ITM2B: variants seen among roughly 807,000 people sequenced by gnomAD.
ITM2B encodes ABri/ADan amyloid peptide.
ITM2B carries 11 observed loss-of-function variants against 27.8 expected under a neutral mutation model. That is an observed-to-expected ratio of 0.40 (90% confidence interval 0.25 to 0.66). ITM2B has a LOEUF of 0.66. Ranked by LOEUF, ITM2B falls within the 30% of genes least tolerant of loss-of-function variation. ITM2B has a pLI of 0.43. For missense variants in ITM2B, 296 were observed against 328.9 expected, an observed-to-expected ratio of 0.90 and a Z score of 0.77; for synonymous variants, 114 against 114.3, an observed-to-expected ratio of 1.00 and a Z score of 0.02.
At chr13:48,249,599 C>A (rs1951741842) in intron 1 of ITM2B, among the ~76,000 whole-genome samples, 1 of 152,044 alleles carries the variant, frequency 6.6e-6, no homozygotes, top group Non-Finnish European at 1.5e-5. Flanking sequence ...AATACCTAAT[C>A]TTTTTATTGT....
In ITM2B at chr13:48,233,525, G is replaced by C. The variant is rs376066987; in HGVS notation, c.117+48G>C. On this transcript the variant is annotated intron_variant, in intron 1 of 5. Coordinates refer to ENST00000647800, the MANE Select transcript of ITM2B (RefSeq NM_021999.5). ...GAAGCGGGTGCTGGGCCCGGCCGGG[G>C]AGGGCTGCGCGGACTGCAGCGGCAG... is the stretch of plus-strand genomic sequence containing the variant. 2.2e-4 allele frequency: 291 copies of C among 1,340,368 alleles called. 2 individuals carry two copies. In the African/African-American group the frequency reaches 4.0e-3, roughly 19 times the overall value. The allele number at this position is 1,340,368 out of a possible 1,614,324, so 83.0% of individuals were successfully genotyped here. A position where few individuals can be genotyped will look rare whatever the true frequency, so the allele number is the denominator to read the frequency against.
intron 1 of ITM2B, among the ~76,000 whole-genome samples, chr13:48,246,653 A>C (rs937262115): frequency 6.6e-6 from 1 of 152,214 alleles, no homozygotes; most frequent in African/African-American, 2.4e-5. Context: ...AACCCTTTAT[A>C]TGGAGAAGTA....
At chr13:48,251,428 T>C (rs1951755748) in intron 1 of ITM2B, among the ~76,000 whole-genome samples, 1 of 152,250 alleles carries the variant, frequency 6.6e-6, no homozygotes, top group Admixed American at 6.5e-5. Flanking sequence ...TTTGTATATT[T>C]ATCTGTTTTC....
Position 48,261,271 on chromosome 13 carries a change from C to G in ITM2B, c.*47C>G. On this transcript the variant is annotated 3_prime_UTR_variant, in exon 6 of 6. Coordinates refer to ENST00000647800, the MANE Select transcript of ITM2B (RefSeq NM_021999.5). ...GAGGAAAATTAATATCACAGCATAA[C>G]CCCACCCTTTACATTTTGTGCAGTG... 1 of 1,254,500 alleles carries G rather than the reference C, an allele frequency of 8.0e-7. No homozygotes were observed. The highest frequency in any genetic ancestry group is 1.2e-6 in the Non-Finnish European group (1 of 854,238). The allele number at this position is 1,254,500 out of a possible 1,614,324, so 77.7% of individuals were successfully genotyped here. A position where few individuals can be genotyped will look rare whatever the true frequency, so the allele number is the denominator to read the frequency against.
chr13:48,247,348 T>TA (rs1272330508), intron 1 of ITM2B, among the ~76,000 whole-genome samples: 2 of 152,208 alleles, frequency 1.3e-5, no homozygotes. Context: ...GGTTCTTTTT[T>TA]TATGTATATT....
intron 1 of ITM2B, among the ~76,000 whole-genome samples, chr13:48,247,401 T>C (rs1951730816): frequency 6.6e-6 from 1 of 152,176 alleles, no homozygotes; most frequent in Non-Finnish European, 1.5e-5. Context: ...GTTTTCCTCA[T>C]TAGTATCCTG....
chr13:48,254,349 T>C (rs1027250264), intron 2 of ITM2B, among the ~76,000 whole-genome samples: 5 of 152,198 alleles, frequency 3.3e-5, no homozygotes, highest in Non-Finnish European at 2.9e-5. Context: ...TGCTGTACCC[T>C]TGGGCCCAGA....
intron 1 of ITM2B, among the ~76,000 whole-genome samples, chr13:48,240,573 C>T (rs1951694071): frequency 6.6e-6 from 1 of 152,148 alleles, no homozygotes; most frequent in Non-Finnish European, 1.5e-5. Context: ...GTACTTTTTT[C>T]ACAGCAAGGC....
intron 5 of ITM2B, among the ~76,000 whole-genome samples, chr13:48,260,598 A>G (rs1457068816): frequency 1.3e-5 from 2 of 148,366 alleles, no homozygotes; most frequent in African/African-American, 2.5e-5. Flanking sequence ...GCTCCTATTT[A>G]TAAGTGAGAG....
chr13:48,237,503 A>C (rs1368294667), intron 1 of ITM2B, among the ~76,000 whole-genome samples: 1 of 152,254 alleles, frequency 6.6e-6, no homozygotes, highest in Admixed American at 6.5e-5. Flanking sequence ...AGAAATGAGT[A>C]TAATATACTT....
rs1228020542 is a variant in ITM2B, at chr13:48,268,698, G to C, written c.*7474G>C. 1 of 152,252 alleles carries C rather than the reference G, an allele frequency of 6.6e-6. No homozygotes were observed. The highest frequency in any genetic ancestry group is 2.4e-5 in the African/African-American group (1 of 41,562). 9.4% of individuals were successfully genotyped at this position (152,252 alleles called of 1,614,324 possible). On this transcript the variant is annotated 3_prime_UTR_variant, in exon 6 of 6. Coordinates refer to ENST00000647800, the MANE Select transcript of ITM2B (RefSeq NM_021999.5). ...TTCCAAGTTGGGAAGTATGAATAAA[G>C]TTGCTATGAACATGCATGTACAAGT...
chr13:48,240,080 AAGTTACTTC>A (rs1951691097), intron 1 of ITM2B, among the ~76,000 whole-genome samples: 1 of 152,216 alleles, frequency 6.6e-6, no homozygotes, highest in Admixed American at 6.5e-5. Flanking sequence ...TACCTTGGGT[AAGTTACTTC>A]AGTTCTCTGT....
At chr13:48,246,985 C>T (rs1306753354) in intron 1 of ITM2B, among the ~76,000 whole-genome samples, 1 of 152,130 alleles carries the variant, frequency 6.6e-6, no homozygotes, top group Non-Finnish European at 1.5e-5. Context: ...CAAGCCACCA[C>T]ACCCAGCTAA....
chr13:48,257,920 G>A (rs183981376), intron 3 of ITM2B, among the ~76,000 whole-genome samples: 1 of 152,228 alleles, frequency 6.6e-6, no homozygotes, highest in East Asian at 1.9e-4. Context: ...CCCTCGATGA[G>A]CATTTTATTT....
At position 48,266,961 on chromosome 13, in the gene ITM2B, C is replaced by T. The variant is rs1951856770; in HGVS notation, c.*5737C>T. On this transcript the variant is annotated 3_prime_UTR_variant, in exon 6 of 6. Transcript: ENST00000647800. ...AAACATACCAACATTCTTTTAAGGC[C>T]CAGTGATTATCAAAAGGGATTGGCA... 6.6e-6 allele frequency: 1 copy of T among 152,010 alleles called. No individual in the cohort carries two copies. 9.4% of individuals were successfully genotyped at this position (152,010 alleles called of 1,614,324 possible).
At chr13:48,235,660 T>G (rs539683840) in intron 1 of ITM2B, among the ~76,000 whole-genome samples, 1 of 152,334 alleles carries the variant, frequency 6.6e-6, no homozygotes, top group East Asian at 1.9e-4. Flanking sequence ...TCTGGCTCCT[T>G]GCGGGTGGCT....
intron 5 of ITM2B, 86 bp downstream of exon 5, chr13:48,259,033 A>G (rs997172907): frequency 1.5e-5 from 14 of 917,108 alleles, no homozygotes; most frequent in Non-Finnish European, 2.2e-5. Context: ...ATTGTTACCA[A>G]TATACCTGCC....
At chr13:48,251,796 A>C (rs567388822) in intron 1 of ITM2B, among the ~76,000 whole-genome samples, 1 of 151,792 alleles carries the variant, frequency 6.6e-6, no homozygotes, top group East Asian at 1.9e-4. Flanking sequence ...CCACTCTAAA[A>C]TTAATTATGT....
rs944381465 is a variant in ITM2B at position 48,266,685 on chromosome 13, A to T, written c.*5461A>T. ...TTGTTGAATGAATGAGCTACATTTC[A>T]TGGATTAACTCCATGAAATGGAGTT... On this transcript the variant is annotated 3_prime_UTR_variant, in exon 6 of 6. Coordinates refer to ENST00000647800, the MANE Select transcript of ITM2B (RefSeq NM_021999.5). The T allele has an allele frequency of 2.0e-5, 3 of 152,166 alleles. No homozygotes were observed. The highest frequency in any genetic ancestry group is 7.2e-5 in the African/African-American group (3 of 41,436). The allele number at this position is 152,166 out of a possible 1,614,324, so 9.4% of individuals were successfully genotyped here. A position where few individuals can be genotyped will look rare whatever the true frequency, so the allele number is the denominator to read the frequency against.
Sources: allele counts gnomAD v4.1 joint callset (sites outside exome capture counted in the v4.1 genomes callset), GRCh38; gene constraint gnomAD v4.1.1; transcripts MANE v1.5; gene names NCBI Gene and HGNC (gene_info 2026-07-23, HGNC 2026-07-21).